Variants in TCAIM observed in about 807,000 individuals in gnomAD.
TCAIM encodes the protein T-cell activation inhibitor, mitochondrial.
A neutral mutation model predicts 58.6 loss-of-function variants in TCAIM; 36 were observed. That is an observed-to-expected ratio of 0.61 (90% CI 0.47 to 0.81). The LOEUF (loss-of-function observed/expected upper bound fraction) is 0.81. TCAIM is among the 30% of genes least tolerant of loss of function. TCAIM has a pLI of 0.00. For missense variants in TCAIM, 466 were observed against 579.6 expected (o/e 0.80, Z 2.01); for synonymous variants, 172 against 193.6 (o/e 0.89, Z 0.93).
At chr3:44,403,983 G>A (rs1487473700) in intron 10 of TCAIM, among the ~76,000 whole-genome samples, 1 of 152,148 alleles carries the variant, frequency 6.6e-6, no homozygotes, top group Non-Finnish European at 1.5e-5. Context: ...AGTGCCCACA[G>A]ACCCTCTGCC....
Position 44,358,344 on chromosome 3 carries a change from T to C in TCAIM, c.165+468T>C, listed in dbSNP as rs879650873. 9.3e-6 allele frequency: 7 copies of C among 754,960 alleles called. No homozygotes were observed. In the Admixed American group the frequency reaches 9.3e-5, roughly 10 times the overall value. 46.8% of individuals were successfully genotyped at this position (754,960 alleles called of 1,614,324 possible). A position where few individuals can be genotyped will look rare whatever the true frequency, so the allele number is the denominator to read the frequency against. On this transcript the variant is annotated intron_variant, in intron 3 of 10. Coordinates refer to ENST00000342649, the MANE Select transcript of TCAIM (RefSeq NM_173826.4). The stretch of plus-strand genomic sequence containing the variant: ...ACAAACTGATATGAAAAATGACTTA[T>C]GGTAGATGTAGTTAAGACAGTCAAT...
intron 6 of TCAIM, among the ~76,000 whole-genome samples, chr3:44,395,063 C>A (rs1013020613): frequency 2.0e-5 from 3 of 148,776 alleles, no homozygotes. Flanking sequence ...TTTTTACTTG[C>A]TAAAAAATTA....
At chr3:44,398,291 A>T (rs975005608) in intron 8 of TCAIM, among the ~76,000 whole-genome samples, 1 of 152,096 alleles carries the variant, frequency 6.6e-6, no homozygotes, top group African/African-American at 2.4e-5. Context: ...AAAGCCGGGC[A>T]TGGTGGCAGG....
intron 5 of TCAIM, among the ~76,000 whole-genome samples, chr3:44,390,564 A>G (rs1460450610): frequency 6.6e-6 from 1 of 152,104 alleles, no homozygotes; most frequent in Non-Finnish European, 1.5e-5. Context: ...TCGAGGCTGC[A>G]GTGAGCCATG....
chr3:44,401,458 G>T lies in TCAIM; in HGVS notation c.1250+124G>T, dbSNP rs1214761421. ...AGCTTAGGAAATTGACTAATTATTAGATATTCCATATTTATTTCTTCCCTA... is the reference window on the plus strand; with the variant it reads ...AGCTTAGGAAATTGACTAATTATTATATATTCCATATTTATTTCTTCCCTA... On this transcript the variant is annotated intron_variant, in intron 10 of 10. Transcript: ENST00000342649. 3 of 1,198,906 alleles carry T rather than the reference G, an allele frequency of 2.5e-6. No individual in the cohort carries two copies. The East Asian group carries it at 7.8e-5, about 31-fold the overall frequency. The allele number at this position is 1,198,906 out of a possible 1,614,324, so 74.3% of individuals were successfully genotyped here. A position where few individuals can be genotyped will look rare whatever the true frequency, so the allele number is the denominator to read the frequency against.
intron 4 of TCAIM, among the ~76,000 whole-genome samples, chr3:44,366,433 G>C (rs1264897884): frequency 7.1e-6 from 1 of 140,204 alleles, no homozygotes; most frequent in Admixed American, 7.3e-5. Flanking sequence ...GATTACAGGC[G>C]CCCACCACTG....
intron 4 of TCAIM, among the ~76,000 whole-genome samples, chr3:44,366,552 G>A (rs1486719112): frequency 2.8e-5 from 4 of 142,236 alleles, no homozygotes; most frequent in Admixed American, 7.4e-5. Context: ...TGCAAGCTCC[G>A]CCTCCCGGGT....
chr3:44,389,237 C>G (rs528125353), intron 5 of TCAIM, among the ~76,000 whole-genome samples: 1 of 152,314 alleles, frequency 6.6e-6, no homozygotes, highest in South Asian at 2.1e-4. Flanking sequence ...TTGCAGCGAG[C>G]CGAGATCGTG....
chr3:44,401,268 C>G lies in TCAIM; in HGVS notation c.1184C>G (p.Ala395Gly). 6.2e-7 allele frequency: 1 copy of G among 1,613,980 alleles called. No individual in the cohort carries two copies. Among genetic ancestry groups the G allele is most frequent in the Non-Finnish European group, 8.5e-7 (1 of 1,179,986 alleles). Residue 395 changes from alanine (A) to glycine (G), a missense_variant, in exon 10 of 11, where the codon GCA (alanine) becomes GGA (glycine). Ala to Gly is a moderately conservative substitution (Grantham distance 60, BLOSUM62 0). Transcript: ENST00000342649. ...HFNIPTLCDP[A>G]NLQWFILTKA... ...AATATTCCAACACTCTGTGATCCAG[C>G]AAATCTCCAGTGGTTTATTCTCACC...
chr3:44,349,030 G>A (rs1701031578), intron 1 of TCAIM, among the ~76,000 whole-genome samples: 1 of 152,060 alleles, frequency 6.6e-6, no homozygotes, highest in African/African-American at 2.4e-5. Context: ...TTATAGGGTT[G>A]GGGAGCGGAG....
intron 1 of TCAIM, among the ~76,000 whole-genome samples, chr3:44,347,598 A>T (rs989898157): frequency 6.6e-6 from 1 of 152,214 alleles, no homozygotes; most frequent in African/African-American, 2.4e-5. Context: ...TGGATAGGCA[A>T]AACAATTTGG....
At chr3:44,397,506 A>T (rs897502189) in intron 8 of TCAIM, among the ~76,000 whole-genome samples, 3 of 152,236 alleles carry the variant, frequency 2.0e-5, no homozygotes, top group African/African-American at 7.2e-5. Flanking sequence ...CATGGTATAA[A>T]TATACCACAG....
intron 6 of TCAIM, 105 bp downstream of exon 6, chr3:44,393,082 A>G (rs1395419439): frequency 8.9e-6 from 8 of 903,792 alleles, no homozygotes; most frequent in Non-Finnish European, 1.7e-6. Context: ...TGCTCTGATA[A>G]CTGAGTACTC....
At chr3:44,364,262 G>T (rs1701336670) in intron 4 of TCAIM, among the ~76,000 whole-genome samples, 1 of 151,268 alleles carries the variant, frequency 6.6e-6, no homozygotes, top group Non-Finnish European at 1.5e-5. Context: ...AATGTAAAAG[G>T]TTACAGAAAA....
At chr3:44,383,890 G>A (rs1342293973) in intron 5 of TCAIM, among the ~76,000 whole-genome samples, 2 of 151,328 alleles carry the variant, frequency 1.3e-5, no homozygotes, top group African/African-American at 2.4e-5. Context: ...ACTCTGACCT[G>A]GGCAACAGAG....
chr3:44,362,150 A>C (rs1255976606), intron 4 of TCAIM, among the ~76,000 whole-genome samples: 1 of 152,244 alleles, frequency 6.6e-6, no homozygotes, highest in Non-Finnish European at 1.5e-5. Flanking sequence ...GAATGAACTT[A>C]AGACAATTTA....
intron 7 of TCAIM, 24 bp downstream of exon 7, chr3:44,396,521 A>G: frequency 6.3e-7 from 1 of 1,599,302 alleles, no homozygotes; most frequent in Non-Finnish European, 8.5e-7. Context: ...ATTTTCTTTT[A>G]AAAAATCACT....
intron 6 of TCAIM, 86 bp downstream of exon 6, chr3:44,393,063 A>G: frequency 8.6e-7 from 1 of 1,167,668 alleles, no homozygotes; most frequent in Non-Finnish European, 1.2e-6. Context: ...AAATATTTGC[A>G]TCTTTAATTG....
chr3:44,372,298 G>A (rs899523870), intron 5 of TCAIM, among the ~76,000 whole-genome samples: 3 of 152,112 alleles, frequency 2.0e-5, no homozygotes, highest in African/African-American at 4.8e-5. Flanking sequence ...AACCATTTCA[G>A]AGCTTTCAAA....
Sources: gnomAD v4.1 joint callset for allele counts (sites outside exome capture counted in the v4.1 genomes callset) on GRCh38, gnomAD v4.1.1 for gene constraint, MANE v1.5 for transcripts, NCBI Gene and HGNC (gene_info 2026-07-23, HGNC 2026-07-21) for gene names.